The following ZNF335 variants were observed in gnomAD, a reference collection of about 807,000 sequenced individuals.
ZNF335 encodes zinc finger protein 335, also known as NRC-interacting factor 1.
Under a neutral mutation model 145.6 loss-of-function variants are expected in ZNF335, and 84 were observed. That is an observed-to-expected ratio of 0.58 (90% CI 0.48 to 0.69). The LOEUF (loss-of-function observed/expected upper bound fraction) is 0.69, where lower values mean the gene tolerates loss of function less well. Ranked by LOEUF, ZNF335 falls within the 30% of genes least tolerant of loss-of-function variation. The probability of loss-of-function intolerance (pLI) is 0.00; values close to 1 mark genes in which losing one functional copy is unlikely to be tolerated. For synonymous variants in ZNF335, 761 were observed against 717.0 expected (o/e 1.06, Z -0.98); for missense variants, 1,865 against 1,809.7 (o/e 1.03, Z -0.55).
chr20:45,952,642 G>A lies in ZNF335; in HGVS notation c.2770C>T (p.His924Tyr), dbSNP rs1433192574. 1.2e-6 allele frequency: 2 copies of A among 1,613,836 alleles called. No individual in the cohort carries two copies. Among genetic ancestry groups the A allele is most frequent in the Non-Finnish European group, 1.7e-6 (2 of 1,180,038 alleles). Residue 924 changes from histidine (H) to tyrosine (Y), a missense_variant, in exon 19 of 28, where the codon CAC (histidine) becomes TAC (tyrosine). Physicochemically the swap from His to Tyr is moderately conservative, Grantham distance 83. Coordinates refer to ENST00000322927, the MANE Select transcript of ZNF335 (RefSeq NM_022095.4). ...GTACCATCAGTAGCCATGATGTAGTGGGTGCCAGCTTCTTTTAGGGTGTCA... is the reference window on the plus strand; with the variant it reads ...GTACCATCAGTAGCCATGATGTAGTAGGTGCCAGCTTCTTTTAGGGTGTCA... ...VSDTLKEAGT[H>Y]YIMATDGTQL...
intron 7 of ZNF335, 35 bp downstream of exon 7, chr20:45,965,593 C>T (rs1404202703): frequency 6.3e-7 from 1 of 1,579,578 alleles, no homozygotes; most frequent in South Asian, 1.1e-5. Context: ...ACTCCTGACC[C>T]ACCCACACGA....
In ZNF335 at chr20:45,953,938, A is replaced by T; in HGVS notation, c.2453T>A (p.Val818Glu). Residue 818 changes from valine (V) to glutamate (E), a missense_variant, in exon 18 of 28, where the codon GTG (valine) becomes GAG (glutamate). Coordinates refer to ENST00000322927, the MANE Select transcript of ZNF335 (RefSeq NM_022095.4). ...CCCTGCTTCCACATCTTCCGACTTC[A>T]CCACAGCCACCTGCAACGGCACCAG... ...LGGTALQVAV[V>E]KSEDVEAGLA... is the part of the protein sequence containing the mutation. 1 of 1,593,624 alleles carries T rather than the reference A, an allele frequency of 6.3e-7. No individual in the cohort carries two copies. Among genetic ancestry groups the T allele is most frequent in the Non-Finnish European group, 8.6e-7 (1 of 1,169,024 alleles).
chr20:45,969,655 G>C lies in ZNF335; in HGVS notation c.238C>G (p.Leu80Val), dbSNP rs1420865854. The C allele has an allele frequency of 6.2e-7, 1 of 1,612,268 alleles. No homozygotes were observed. Among genetic ancestry groups the C allele is most frequent in the African/African-American group, 1.3e-5 (1 of 75,078 alleles). The change falls in exon 3 of 28, where the codon CTG (leucine) becomes GTG (valine). Residue 80 changes from leucine to valine, a missense_variant. Leu to Val is a conservative substitution (Grantham distance 32). Coordinates refer to ENST00000322927, the MANE Select transcript of ZNF335 (RefSeq NM_022095.4). ...VSESSSSADP[L>V]PNSYLPDSSS... ...GAATCAGGGAGGTAGCTATTAGGCA[G>C]GGGGTCTGCGCTCGAGCTGCTCTCA...
At chr20:45,965,577 G>A in intron 7 of ZNF335, 51 bp downstream of exon 7, 1 of 1,548,916 alleles carries the variant, frequency 6.5e-7, no homozygotes, top group East Asian at 2.5e-5. Context: ...AGCAGGGAGA[G>A]AGGCCACTCC....
chr20:45,953,027 T>C (rs2083663438), intron 18 of ZNF335, among the ~76,000 whole-genome samples: 1 of 152,096 alleles, frequency 6.6e-6, no homozygotes, highest in Non-Finnish European at 1.5e-5. Flanking sequence ...CACCAGGAGC[T>C]AGTGGAGGAG....
At chr20:45,958,724 T>C (rs993838643) in intron 15 of ZNF335, among the ~76,000 whole-genome samples, 1 of 152,222 alleles carries the variant, frequency 6.6e-6, no homozygotes, top group Non-Finnish European at 1.5e-5. Flanking sequence ...GTGAAGTTCA[T>C]GAGGAATGAT....
In ZNF335 at chr20:45,962,801, G is replaced by GTTTT. The variant is rs1445107629; in HGVS notation, c.1534-623_1534-620dup. ...CTTGTGTTAAGGAGAAAAAGGAACC[G>GTTTT]TTTTTTTTTTTTTGTTTGTTTGTTT... On this transcript the variant is annotated intron_variant, in intron 9 of 27. Coordinates refer to ENST00000322927, the MANE Select transcript of ZNF335 (RefSeq NM_022095.4). Among the ~76,000 whole-genome samples the GTTTT allele has an allele frequency of 1.1e-3, 101 of 93,560 alleles. 10 individuals carry two copies. The highest frequency in any genetic ancestry group is 3.5e-3 in the African/African-American group (73 of 20,670). 61.4% of individuals were successfully genotyped at this position (93,560 alleles called of 152,430 possible).
At chr20:45,965,276 C>T (rs537805979) in intron 7 of ZNF335, among the ~76,000 whole-genome samples, 4 of 152,130 alleles carry the variant, frequency 2.6e-5, no homozygotes, top group Non-Finnish European at 4.4e-5. Context: ...AGTAATGCTC[C>T]GAACCAGGGC....
intron 21 of ZNF335, 38 bp from the exon 22 acceptor site, chr20:45,950,411 A>G: frequency 6.2e-7 from 1 of 1,613,152 alleles, no homozygotes; most frequent in South Asian, 1.1e-5. Flanking sequence ...TAGCTCCACC[A>G]TACATGCCCA....
Position 45,960,533 on chromosome 20 carries a change from G to A in ZNF335, c.1783-8C>T. 2 of 1,614,126 alleles carry A rather than the reference G, an allele frequency of 1.2e-6. No homozygotes were observed. Among genetic ancestry groups the A allele is most frequent in the Non-Finnish European group, 1.7e-6 (2 of 1,180,012 alleles). Reference sequence around the variant, plus strand: ...CTTAAAGGACTTTCCACACTGTGAGGGGTGGAGAGCAGTGAGATGGCGATC... The same window carrying A: ...CTTAAAGGACTTTCCACACTGTGAGAGGTGGAGAGCAGTGAGATGGCGATC... On this transcript the variant is annotated splice_region_variant and splice_polypyrimidine_tract_variant and intron_variant, in intron 12 of 27. Coordinates refer to ENST00000322927, the MANE Select transcript of ZNF335 (RefSeq NM_022095.4).
chr20:45,949,979 G>C lies in ZNF335; in HGVS notation c.3578C>G (p.Thr1193Arg). Residue 1193 changes from threonine to arginine, a missense_variant, in exon 23 of 28, where the codon ACA becomes AGA. Thr to Arg is a moderately conservative substitution (Grantham distance 71). Transcript: ENST00000322927. ...QEHIIVAQEQ[T>R]VTNQEEAAYI... The stretch of plus-strand genomic sequence containing the variant: ...CCTGACTCTTACCTGATTGGTCACT[G>C]TCTGTTCCTGGGCAACGATGATGTG... 6.2e-7 allele frequency: 1 copy of C among 1,614,138 alleles called. No individual in the cohort carries two copies. Among genetic ancestry groups the C allele is most frequent in the Non-Finnish European group, 8.5e-7 (1 of 1,180,010 alleles).
intron 1 of ZNF335, 164 bp downstream of exon 1, chr20:45,971,958 G>A (rs1255898791): frequency 1.0e-6 from 1 of 985,336 alleles, no homozygotes; most frequent in African/African-American, 1.7e-5. Context: ...GGTGGCGCCG[G>A]GTTTCCGCTC....
chr20:45,952,798 T>A, intron 18 of ZNF335, 89 bp from the exon 19 acceptor site: 1 of 1,202,636 alleles, frequency 8.3e-7, no homozygotes, highest in Non-Finnish European at 1.2e-6. Flanking sequence ...GGAGTGACTG[T>A]CACCACAGAT....
intron 23 of ZNF335, 30 bp downstream of exon 23, chr20:45,949,936 G>A (rs2083598086): frequency 6.2e-7 from 1 of 1,614,046 alleles, no homozygotes; most frequent in South Asian, 1.1e-5. Context: ...GCCTGTCGCT[G>A]GCCAGAGGGC....
At chr20:45,965,525 G>T in intron 7 of ZNF335, 103 bp downstream of exon 7, 1 of 1,397,892 alleles carries the variant, frequency 7.2e-7, no homozygotes, top group Non-Finnish European at 9.5e-7. Context: ...TGAGACAGCT[G>T]CCCTGCAGGG....
chr20:45,949,305 A>G, intron 26 of ZNF335, 28 bp downstream of exon 26: 1 of 1,614,024 alleles, frequency 6.2e-7, no homozygotes, highest in African/African-American at 1.3e-5. Flanking sequence ...CCTGTGCCCC[A>G]GGTCTCCCTG....
At chr20:45,950,753 C>T (rs565387417) in intron 20 of ZNF335, among the ~76,000 whole-genome samples, 158 bp from the exon 21 acceptor site, 4 of 152,312 alleles carry the variant, frequency 2.6e-5, no homozygotes, top group African/African-American at 2.4e-5. Flanking sequence ...AAGGCCAAGC[C>T]GGATCCGTAT....
chr20:45,971,085 G>A (rs1476296962), intron 2 of ZNF335, 125 bp downstream of exon 2: 15 of 1,399,312 alleles, frequency 1.1e-5, no homozygotes, highest in Non-Finnish European at 1.3e-5. Flanking sequence ...TTGGCTTGGT[G>A]CCTGGCTCAC....
rs546293961 is a variant in ZNF335, at chr20:45,963,879, T to G, written c.1214A>C (p.Lys405Thr). 24 of 1,606,336 alleles carry G rather than the reference T, an allele frequency of 1.5e-5. No homozygotes were observed. The East Asian group carries it at 5.1e-4, about 34-fold the overall frequency. The change falls in exon 8 of 28, where the codon AAG becomes ACG. Residue 405 changes from lysine to threonine, a missense_variant. By Grantham distance (78) the Lys-to-Thr change is moderately conservative (BLOSUM62 -1). Coordinates refer to ENST00000322927, the MANE Select transcript of ZNF335 (RefSeq NM_022095.4). ...AGCTTCCACAGGGGTCCTGCTCACC[T>G]TGCCCATGGCCACCAGGTGTCCTGG... The part of the protein sequence containing the change: ...SGPGHLVAMG[K>T]VSRTPVEAGV...
Sources: allele counts gnomAD v4.1 joint callset (sites outside exome capture counted in the v4.1 genomes callset), GRCh38; gene constraint gnomAD v4.1.1; transcripts MANE v1.5; gene names NCBI Gene and HGNC (gene_info 2026-07-23, HGNC 2026-07-21).